NBEA: variants seen among roughly 807,000 people sequenced by gnomAD.
NBEA encodes the protein lysosomal-trafficking regulator 2.
A neutral mutation model predicts 343.4 loss-of-function variants in NBEA; 44 were observed. That is an observed-to-expected ratio of 0.13 (90% CI 0.10 to 0.16). The LOEUF (loss-of-function observed/expected upper bound fraction) is 0.16, where lower values mean the gene tolerates loss of function less well. NBEA is among the 10% of genes least tolerant of loss of function. The probability of loss-of-function intolerance (pLI) is 1.00; values close to 1 mark genes in which losing one functional copy is unlikely to be tolerated. For synonymous variants in NBEA, 1,175 were observed against 1,238.7 expected (o/e 0.95, Z 1.08); for missense variants, 2,555 against 3,631.3 (o/e 0.70, Z 7.62).
At chr13:35,647,250 CTA>C (rs898079618) in intron 51 of NBEA, among the ~76,000 whole-genome samples, 1 of 152,024 alleles carries the variant, frequency 6.6e-6, no homozygotes, top group Non-Finnish European at 1.5e-5. Flanking sequence ...TGATTTTTCA[CTA>C]TTTTTTTACT....
rs192117927 is a variant in NBEA, at chr13:34,967,328, G to T, written c.294+24214G>T. On this transcript the variant is annotated intron_variant, in intron 1 of 58. Coordinates refer to ENST00000379939, the MANE Select transcript of NBEA (RefSeq NM_001385012.1). ...ACATGTTAATAATTATGTTTTTTAA[G>T]TACTATTTTTTTCTTTTACCTTTTT... is the stretch of plus-strand genomic sequence containing the variant. Among the ~76,000 whole-genome samples the T allele has an allele frequency of 3.4e-4, 52 of 151,116 alleles. 1 individual carries two copies. In the East Asian group the frequency reaches 9.9e-3, roughly 29 times the overall value.
intron 34 of NBEA, among the ~76,000 whole-genome samples, chr13:35,258,936 T>C (rs376810975): frequency 6.6e-6 from 1 of 152,214 alleles, no homozygotes; most frequent in East Asian, 1.9e-4. Context: ...GTAATATAAG[T>C]GTTCTGAGCA....
chr13:35,295,398 A>G (rs554784976), intron 35 of NBEA, among the ~76,000 whole-genome samples: 100 of 152,060 alleles, frequency 6.6e-4, no homozygotes, highest in Middle Eastern at 6.8e-3. Flanking sequence ...CTTTTTCTCT[A>G]GACGGTGGGT....
intron 1 of NBEA, among the ~76,000 whole-genome samples, chr13:34,963,767 A>T (rs1218423442): frequency 6.6e-6 from 1 of 150,744 alleles, no homozygotes; most frequent in Non-Finnish European, 1.5e-5. Flanking sequence ...GGCACTGTTG[A>T]TTCAGTAGTA....
In NBEA at chr13:35,368,438, T is replaced by G. The variant is rs953063098; in HGVS notation, c.6179+16115T>G. ...ATAAAGGAATAAAATACCTGTCAGA[T>G]TTGTCACTTTTCATTGTTTGAATTT... On this transcript the variant is annotated intron_variant, in intron 38 of 58. Transcript: ENST00000379939. Among the ~76,000 whole-genome samples, 14 of 151,652 alleles carry G rather than the reference T, an allele frequency of 9.2e-5. No individual in the cohort carries two copies. The East Asian group carries it at 2.7e-3, about 29-fold the overall frequency.
rs114796095 is a variant in NBEA, at chr13:35,506,492, A to G, written c.6585+33956A>G. Reference sequence around the variant, plus strand: ...TTTAAGTGTTTGAGAAATCAAATGTATTGATTCAGCAAGAGTAATTTGAAA... The same window carrying G: ...TTTAAGTGTTTGAGAAATCAAATGTGTTGATTCAGCAAGAGTAATTTGAAA... On this transcript the variant is annotated intron_variant, in intron 41 of 58. Transcript: ENST00000379939. Among the ~76,000 whole-genome samples, 1,501 of 152,284 alleles carry G rather than the reference A, an allele frequency of 9.9e-3. 35 individuals are homozygous for G. The highest frequency in any genetic ancestry group is 0.035 in the African/African-American group (1,447 of 41,554).
intron 38 of NBEA, among the ~76,000 whole-genome samples, chr13:35,429,392 T>C (rs1334254837): frequency 2.0e-5 from 3 of 152,164 alleles, no homozygotes; most frequent in Non-Finnish European, 2.9e-5. Flanking sequence ...TCTGAAAGTT[T>C]TCTATCTTGC....
intron 13 of NBEA, among the ~76,000 whole-genome samples, chr13:35,112,153 G>A (rs947364983): frequency 1.3e-5 from 2 of 151,104 alleles, no homozygotes; most frequent in Admixed American, 6.6e-5. Context: ...TCCTGACCTC[G>A]TGATACACCT....
rs2062633358 is a variant in NBEA, at chr13:35,041,173, T to C, written c.526+9T>C. 1 of 1,600,538 alleles carries C rather than the reference T, an allele frequency of 6.2e-7. No individual in the cohort carries two copies. The highest frequency in any genetic ancestry group is 1.7e-5 in the Admixed American group (1 of 59,618). On this transcript the variant is annotated intron_variant, in intron 2 of 58. Coordinates refer to ENST00000379939, the MANE Select transcript of NBEA (RefSeq NM_001385012.1). ...AGATGACATGATAGCAGGTATGGGGTTGTCTGACAGGAAAGTATAACTTAA... is the reference window on the plus strand; with the variant it reads ...AGATGACATGATAGCAGGTATGGGGCTGTCTGACAGGAAAGTATAACTTAA...
At chr13:35,403,804 C>G (rs559396781) in intron 38 of NBEA, among the ~76,000 whole-genome samples, 1 of 152,230 alleles carries the variant, frequency 6.6e-6, no homozygotes, top group South Asian at 2.1e-4. Context: ...AAACTACCAT[C>G]AGAGTGAAAA....
At chr13:35,110,689 TAATA>T (rs1403733379) in intron 12 of NBEA, 117 bp from the exon 13 acceptor site, 2 of 633,430 alleles carry the variant, frequency 3.2e-6, no homozygotes, top group African/African-American at 1.9e-5. Flanking sequence ...TTTAACCTCA[TAATA>T]AATGGTCATT....
At chr13:35,446,917 C>A (rs757785969) in intron 39 of NBEA, among the ~76,000 whole-genome samples, 4 of 152,022 alleles carry the variant, frequency 2.6e-5, no homozygotes, top group Non-Finnish European at 5.9e-5. Flanking sequence ...AAAGCTGAGT[C>A]TACATTAAAA....
intron 41 of NBEA, among the ~76,000 whole-genome samples, chr13:35,532,616 A>G (rs1221872174): frequency 6.6e-6 from 1 of 152,166 alleles, no homozygotes; most frequent in Non-Finnish European, 1.5e-5. Context: ...TCTGATCTAT[A>G]TTGGCACCTT....
chr13:35,205,385 CT>C (rs2073322247), intron 31 of NBEA, among the ~76,000 whole-genome samples: 1 of 151,938 alleles, frequency 6.6e-6, no homozygotes, highest in African/African-American at 2.4e-5. Context: ...AGATTTTTTT[CT>C]TCTTGTTGGT....
chr13:35,361,024 A>G (rs926057033), intron 38 of NBEA, among the ~76,000 whole-genome samples: 3 of 152,032 alleles, frequency 2.0e-5, no homozygotes, highest in Admixed American at 2.0e-4. Flanking sequence ...AACAGTATAA[A>G]TACAATTATC....
chr13:35,501,803 C>A (rs1351922683), intron 41 of NBEA, among the ~76,000 whole-genome samples: 4 of 152,074 alleles, frequency 2.6e-5, no homozygotes, highest in Non-Finnish European at 5.9e-5. Flanking sequence ...TTCCTCGACT[C>A]CTCCTGCAAC....
intron 8 of NBEA, 129 bp from the exon 9 acceptor site, chr13:35,069,779 C>T (rs1449444887): frequency 2.1e-6 from 1 of 487,784 alleles, no homozygotes; most frequent in African/African-American, 2.0e-5. Flanking sequence ...TAAGTAATAC[C>T]ACTGAATAGT....
chr13:34,971,241 C>T (rs984373681), intron 1 of NBEA, among the ~76,000 whole-genome samples: 1 of 151,822 alleles, frequency 6.6e-6, no homozygotes. Flanking sequence ...CTAAGATTTC[C>T]CTGTAGTTGT....
At chr13:35,450,046 C>A (rs1464109609) in intron 39 of NBEA, among the ~76,000 whole-genome samples, 3 of 152,050 alleles carry the variant, frequency 2.0e-5, no homozygotes, top group African/African-American at 7.2e-5. Flanking sequence ...CTTTTGAGTC[C>A]ATTTTTTCAT....
Sources: allele counts gnomAD v4.1 joint callset (sites outside exome capture counted in the v4.1 genomes callset), GRCh38; gene constraint gnomAD v4.1.1; transcripts MANE v1.5; gene names NCBI Gene and HGNC (gene_info 2026-07-23, HGNC 2026-07-21).